WASHC3: variants seen among roughly 807,000 people sequenced by gnomAD.
WASHC3 encodes WASH complex subunit CCDC53.
A neutral mutation model predicts 26.1 loss-of-function variants in WASHC3; 24 were observed. That is an observed-to-expected ratio of 0.92 (90% CI 0.66 to 1.29). The LOEUF (loss-of-function observed/expected upper bound fraction) is 1.29. Among genes scored for constraint, WASHC3 ranks in the 50% most tolerant of loss-of-function variants. The pLI, the probability that WASHC3 is intolerant of heterozygous loss-of-function variation, is 0.00. For missense variants in WASHC3, 214 were observed against 229.6 expected (o/e 0.93, Z 0.44); for synonymous variants, 77 against 75.7 (o/e 1.02, Z -0.09).
intron 3 of WASHC3, among the ~76,000 whole-genome samples, chr12:102,044,629 G>GA (rs946298754): frequency 6.6e-6 from 1 of 151,352 alleles, no homozygotes; most frequent in Non-Finnish European, 1.5e-5. Flanking sequence ...ATAATACTTC[G>GA]AAAAAAAAGG....
intron 4 of WASHC3, among the ~76,000 whole-genome samples, chr12:102,042,089 C>G (rs1877962458): frequency 6.6e-6 from 1 of 152,050 alleles, no homozygotes; most frequent in African/African-American, 2.4e-5. Context: ...TATGACAGCT[C>G]TATCTACCAC....
intron 3 of WASHC3, 91 bp from the exon 4 acceptor site, chr12:102,044,303 A>T: frequency 2.0e-6 from 1 of 492,964 alleles, no homozygotes; most frequent in Non-Finnish European, 3.5e-6. Flanking sequence ...TTAAGGCTAT[A>T]CAAATAGGTT....
chr12:102,048,221 A>C (rs748052176), intron 2 of WASHC3: 2 of 152,160 alleles, frequency 1.3e-5, no homozygotes, highest in African/African-American at 4.8e-5. Context: ...AAAAAATTCT[A>C]CCTTTATTTT....
At chr12:102,044,533 A>G (rs1398861565) in intron 3 of WASHC3, among the ~76,000 whole-genome samples, 1 of 152,190 alleles carries the variant, frequency 6.6e-6, no homozygotes, top group African/African-American at 2.4e-5. Flanking sequence ...ATCTTGTGTA[A>G]AACTCCCTGT....
intron 2 of WASHC3, among the ~76,000 whole-genome samples, chr12:102,054,590 C>A (rs963563205): frequency 2.6e-5 from 4 of 152,066 alleles, no homozygotes; most frequent in African/African-American, 9.7e-5. Flanking sequence ...GTAGAAAATT[C>A]AATAAAACAG....
At chr12:102,061,854 T>C (rs1163940462) in intron 1 of WASHC3, 58 bp downstream of exon 1, 2 of 1,472,250 alleles carry the variant, frequency 1.4e-6, no homozygotes, top group African/African-American at 2.8e-5. Flanking sequence ...CCCGGAAAGC[T>C]GCGTCTTCCC....
At chr12:102,062,036 A>T, upstream of WASHC3, 1 of 1,329,988 alleles carries the variant, frequency 7.5e-7, no homozygotes, top group Non-Finnish European at 1.1e-6. Flanking sequence ...CCCGGTAATC[A>T]CGTCTCAACT....
intron 2 of WASHC3, among the ~76,000 whole-genome samples, chr12:102,049,187 GA>G (rs1257417532): frequency 2.0e-5 from 3 of 152,216 alleles, no homozygotes; most frequent in Admixed American, 6.5e-5. Context: ...ATGGGTAGCA[GA>G]ATCTCTGGTC....
intron 5 of WASHC3, among the ~76,000 whole-genome samples, chr12:102,029,218 C>T (rs1877329152): frequency 6.6e-6 from 1 of 152,158 alleles, no homozygotes; most frequent in African/African-American, 2.4e-5. Context: ...AAAGAAGTGT[C>T]CAATTTCTGA....
intron 2 of WASHC3, among the ~76,000 whole-genome samples, chr12:102,051,185 G>A (rs1379488156): frequency 2.0e-5 from 3 of 152,188 alleles, no homozygotes; most frequent in Non-Finnish European, 4.4e-5. Flanking sequence ...GTTGTTTAAG[G>A]TTGGGTTTGG....
intron 5 of WASHC3, among the ~76,000 whole-genome samples, chr12:102,038,941 A>C (rs1877797296): frequency 6.6e-6 from 1 of 151,820 alleles, no homozygotes. Flanking sequence ...ATAATTTTAC[A>C]AAAGCATTAT....
intron 5 of WASHC3, among the ~76,000 whole-genome samples, chr12:102,038,634 TG>T (rs1877782594): frequency 6.6e-6 from 1 of 152,166 alleles, no homozygotes; most frequent in South Asian, 2.1e-4. Flanking sequence ...ATACTTAAAC[TG>T]GCTTTGTTTT....
chr12:102,034,140 A>G (rs528378797), intron 5 of WASHC3, among the ~76,000 whole-genome samples: 2 of 152,210 alleles, frequency 1.3e-5, no homozygotes, highest in South Asian at 4.1e-4. Context: ...CAGTGGTCAA[A>G]TTTGCTTTTT....
intron 2 of WASHC3, among the ~76,000 whole-genome samples, chr12:102,054,293 T>C (rs376053730): frequency 6.6e-6 from 1 of 152,190 alleles, no homozygotes; most frequent in Non-Finnish European, 1.5e-5. Flanking sequence ...ACAGATTGAC[T>C]GAATAGATAC....
At chr12:102,057,573 G>T (rs1878638495) in intron 2 of WASHC3, among the ~76,000 whole-genome samples, 1 of 151,724 alleles carries the variant, frequency 6.6e-6, no homozygotes, top group African/African-American at 2.4e-5. Flanking sequence ...TGGTAAAGCT[G>T]CAGGATATAA....
At position 102,061,969 on chromosome 12, in the gene WASHC3, A is replaced by C. The variant is rs536060529; in HGVS notation, c.-7T>G. On this transcript the variant is annotated 5_prime_UTR_variant, in exon 1 of 7. Transcript: ENST00000240079. ...GAAGCCCGTCCTCATCCATCTCCTCAGCGGGCGGTGGACCCCGAGTTCACC... is the reference window on the plus strand; with the variant it reads ...GAAGCCCGTCCTCATCCATCTCCTCCGCGGGCGGTGGACCCCGAGTTCACC... The C allele has an allele frequency of 2.5e-6, 4 of 1,593,526 alleles. No individual in the cohort carries two copies. The South Asian group carries it at 4.5e-5, about 18-fold the overall frequency.
chr12:102,039,173 G>A (rs184691701), intron 5 of WASHC3, among the ~76,000 whole-genome samples: 2 of 117,964 alleles, frequency 1.7e-5, no homozygotes, highest in Non-Finnish European at 3.4e-5. Flanking sequence ...AGGTGGTCTT[G>A]CTTTGTTGCC....
intron 5 of WASHC3, among the ~76,000 whole-genome samples, chr12:102,038,774 T>C (rs1352035176): frequency 1.3e-5 from 2 of 152,138 alleles, no homozygotes; most frequent in Admixed American, 1.3e-4. Context: ...AAAAATCCAC[T>C]TCTGATAGCT....
intron 5 of WASHC3, among the ~76,000 whole-genome samples, chr12:102,026,272 A>G (rs1035169562): frequency 6.6e-6 from 1 of 152,180 alleles, no homozygotes; most frequent in Admixed American, 6.6e-5. Flanking sequence ...ATTTGAGCTT[A>G]TTCATTACTA....
Sources: allele counts gnomAD v4.1 joint callset (sites outside exome capture counted in the v4.1 genomes callset), GRCh38; gene constraint gnomAD v4.1.1; transcripts MANE v1.5; gene names NCBI Gene and HGNC (gene_info 2026-07-23, HGNC 2026-07-21).